RPH3A: variants seen among roughly 807,000 people sequenced by gnomAD.
The protein encoded by RPH3A is rabphilin 3A.
A neutral mutation model predicts 102.2 loss-of-function variants in RPH3A; 48 were observed. The observed-to-expected ratio is 0.47, with a 90% CI of 0.37 to 0.60. The LOEUF (loss-of-function observed/expected upper bound fraction) is 0.60. RPH3A is among the 20% of genes least tolerant of loss of function. The probability of loss-of-function intolerance (pLI) is 0.00; values close to 1 mark genes in which losing one functional copy is unlikely to be tolerated. For missense variants in RPH3A, 781 were observed against 910.1 expected, an observed-to-expected ratio of 0.86 and a Z score of 1.83; for synonymous variants, 310 against 324.3, an observed-to-expected ratio of 0.96 and a Z score of 0.47.
intron 1 of RPH3A, among the ~76,000 whole-genome samples, chr12:112,750,126 C>T (rs1179791614): frequency 6.6e-6 from 1 of 152,134 alleles, no homozygotes; most frequent in Non-Finnish European, 1.5e-5. Context: ...ACTGCATGAA[C>T]ATCTATTATA....
At chr12:112,728,104 T>G (rs538494347) in intron 1 of RPH3A, among the ~76,000 whole-genome samples, 2 of 152,228 alleles carry the variant, frequency 1.3e-5, no homozygotes, top group Admixed American at 1.3e-4. Context: ...CAAATGCAAG[T>G]AAGATCCTTT....
chr12:112,756,183 TA>T (rs1218765421), intron 1 of RPH3A, among the ~76,000 whole-genome samples: 1 of 152,092 alleles, frequency 6.6e-6, no homozygotes, highest in Non-Finnish European at 1.5e-5. Flanking sequence ...ACACATTGTA[TA>T]CATGTGTAAT....
intron 1 of RPH3A, among the ~76,000 whole-genome samples, chr12:112,578,931 A>AT (rs780092550): frequency 6.6e-6 from 1 of 152,146 alleles, no homozygotes; most frequent in African/African-American, 2.4e-5. Flanking sequence ...TGGAAATCAG[A>AT]TTTTTTACAT....
At chr12:112,644,250 A>G (rs1475640089) in intron 1 of RPH3A, among the ~76,000 whole-genome samples, 1 of 152,232 alleles carries the variant, frequency 6.6e-6, no homozygotes, top group Non-Finnish European at 1.5e-5. Context: ...ATTAGGAAAT[A>G]TATCCATGTA....
At chr12:112,877,427 C>CACACACACACACACACACACACGTAT (rs1279230094) in intron 13 of RPH3A, among the ~76,000 whole-genome samples, 4 of 150,064 alleles carry the variant, frequency 2.7e-5, no homozygotes, top group South Asian at 4.5e-4. Flanking sequence ...TATACACACA[C>CACACACACACACACACACACACGTAT]ACACACACAC....
chr12:112,714,844 T>C (rs1479999484), intron 1 of RPH3A, among the ~76,000 whole-genome samples: 1 of 152,216 alleles, frequency 6.6e-6, no homozygotes, highest in African/African-American at 2.4e-5. Flanking sequence ...ATGCTGCATA[T>C]CAACCATCCA....
chr12:112,863,449 C>T (rs1409056147), intron 5 of RPH3A, among the ~76,000 whole-genome samples: 1 of 152,226 alleles, frequency 6.6e-6, no homozygotes, highest in African/African-American at 2.4e-5. Flanking sequence ...TCTCAAGTAA[C>T]TTGGACTACA....
intron 1 of RPH3A, among the ~76,000 whole-genome samples, chr12:112,656,675 T>C (rs1316825993): frequency 6.6e-6 from 1 of 152,166 alleles, no homozygotes; most frequent in Non-Finnish European, 1.5e-5. Flanking sequence ...ATGCGATATT[T>C]GATTTTCTGT....
At chr12:112,807,525 G>A (rs2041492623) in intron 2 of RPH3A, among the ~76,000 whole-genome samples, 1 of 152,134 alleles carries the variant, frequency 6.6e-6, no homozygotes, top group Non-Finnish European at 1.5e-5. Flanking sequence ...GGTCTTGAAC[G>A]AGTTACCAAA....
At chr12:112,814,545 T>G (rs906837898) in intron 2 of RPH3A, among the ~76,000 whole-genome samples, 5 of 152,192 alleles carry the variant, frequency 3.3e-5, no homozygotes, top group Admixed American at 6.5e-5. Context: ...TTACTGGACC[T>G]TCTACTCAGT....
chr12:112,629,870 G>A (rs1215058080), intron 1 of RPH3A, among the ~76,000 whole-genome samples: 3 of 152,014 alleles, frequency 2.0e-5, no homozygotes, highest in Admixed American at 6.6e-5. Flanking sequence ...TTAAATCATT[G>A]CATTATTATA....
intron 15 of RPH3A, among the ~76,000 whole-genome samples, chr12:112,882,576 C>T (rs368396016): frequency 3.0e-4 from 45 of 152,350 alleles, no homozygotes; most frequent in African/African-American, 1.1e-3. Context: ...ACACCGCCCT[C>T]CACCCTCAAC....
intron 1 of RPH3A, among the ~76,000 whole-genome samples, chr12:112,617,068 G>A (rs985662839): frequency 2.6e-5 from 4 of 152,198 alleles, no homozygotes; most frequent in African/African-American, 9.7e-5. Context: ...GAGCCCTGAG[G>A]TCTGAGGCTG....
intron 2 of RPH3A, among the ~76,000 whole-genome samples, chr12:112,802,540 T>G (rs1255774869): frequency 6.6e-6 from 1 of 152,094 alleles, no homozygotes; most frequent in African/African-American, 2.4e-5. Flanking sequence ...CTGTGCTGTG[T>G]GTGTATGTGC....
At chr12:112,589,021 G>A (rs926868800) in intron 1 of RPH3A, among the ~76,000 whole-genome samples, 1 of 152,092 alleles carries the variant, frequency 6.6e-6, no homozygotes, top group Non-Finnish European at 1.5e-5. Context: ...GGGGAAGGGG[G>A]GAGAGTGTTC....
chr12:112,728,147 T>C (rs2040608326), intron 1 of RPH3A, among the ~76,000 whole-genome samples: 1 of 152,194 alleles, frequency 6.6e-6, no homozygotes, highest in African/African-American at 2.4e-5. Context: ...ATTTTTAGTC[T>C]ATTCTAGGTA....
chr12:112,699,095 A>AT (rs1239481271), intron 1 of RPH3A, among the ~76,000 whole-genome samples: 3 of 151,478 alleles, frequency 2.0e-5, no homozygotes, highest in Non-Finnish European at 2.9e-5. Flanking sequence ...TAATTTTTGT[A>AT]TTTTTTCTAG....
intron 1 of RPH3A, among the ~76,000 whole-genome samples, chr12:112,699,174 G>C (rs886981195): frequency 1.3e-5 from 2 of 152,166 alleles, no homozygotes; most frequent in Non-Finnish European, 2.9e-5. Context: ...TCCTGCCTTG[G>C]CCTCCCAAAG....
chr12:112,742,391 G>A (rs538621084), intron 1 of RPH3A, among the ~76,000 whole-genome samples: 1 of 152,154 alleles, frequency 6.6e-6, no homozygotes, highest in South Asian at 2.1e-4. Context: ...GCACCGAGAC[G>A]GCCATGAGGA....
Sources: allele counts gnomAD v4.1 joint callset (sites outside exome capture counted in the v4.1 genomes callset), GRCh38; gene constraint gnomAD v4.1.1; transcripts MANE v1.5; gene names NCBI Gene and HGNC (gene_info 2026-07-23, HGNC 2026-07-21).